PFDN1: variants seen among roughly 807,000 people sequenced by gnomAD.
PFDN1 encodes prefoldin 1.
Under a neutral mutation model 17.3 loss-of-function variants are expected in PFDN1, and 6 were observed. That is an observed-to-expected ratio of 0.35 (90% CI 0.19 to 0.69). The LOEUF (loss-of-function observed/expected upper bound fraction) is 0.69. Ranked by LOEUF, PFDN1 falls within the 30% of genes least tolerant of loss-of-function variation. PFDN1 has a pLI of 0.65. For missense variants in PFDN1, 113 were observed against 146.2 expected (o/e 0.77, Z 1.17); for synonymous variants, 58 against 50.1 (o/e 1.16, Z -0.67).
chr5:140,292,958 C>A (rs1765600365), intron 2 of PFDN1: 1 of 151,962 alleles, frequency 6.6e-6, no homozygotes, highest in Admixed American at 6.6e-5. Flanking sequence ...AGATTATGTT[C>A]CTTGACATGA....
At chr5:140,284,579 C>T (rs572549210) in intron 2 of PFDN1, among the ~76,000 whole-genome samples, 2 of 152,288 alleles carry the variant, frequency 1.3e-5, no homozygotes, top group East Asian at 3.9e-4. Context: ...CACAGTTGCT[C>T]AATGTAGAGA....
chr5:140,255,860 T>C (rs947775756), intron 3 of PFDN1, among the ~76,000 whole-genome samples: 5 of 152,186 alleles, frequency 3.3e-5, no homozygotes, highest in African/African-American at 1.2e-4. Context: ...GCAAAACTTC[T>C]TGAATCGGTT....
chr5:140,287,102 G>GGATTAACTA (rs1245553997), intron 2 of PFDN1, among the ~76,000 whole-genome samples: 2 of 152,254 alleles, frequency 1.3e-5, no homozygotes, highest in Admixed American at 1.3e-4. Flanking sequence ...AATCAACCTT[G>GGATTAACTA]GATTAACTAG....
At chr5:140,280,911 T>C (rs1208998554) in intron 3 of PFDN1, 1 of 152,138 alleles carries the variant, frequency 6.6e-6, no homozygotes, top group East Asian at 1.9e-4. Context: ...ATCATCTTTT[T>C]CCCTAGCTAA....
intron 3 of PFDN1, among the ~76,000 whole-genome samples, chr5:140,262,987 T>C (rs1012916984): frequency 2.0e-5 from 3 of 152,172 alleles, no homozygotes; most frequent in Non-Finnish European, 4.4e-5. Flanking sequence ...CAGAGGCAAA[T>C]AATAAAATCC....
At chr5:140,280,695 G>C (rs1765385702) in intron 3 of PFDN1, among the ~76,000 whole-genome samples, 1 of 152,126 alleles carries the variant, frequency 6.6e-6, no homozygotes, top group African/African-American at 2.4e-5. Context: ...AATGACCTAT[G>C]AAGTCAATGT....
chr5:140,255,092 C>G (rs894904214), intron 3 of PFDN1, among the ~76,000 whole-genome samples: 1 of 152,212 alleles, frequency 6.6e-6, no homozygotes, highest in African/African-American at 2.4e-5. Context: ...TATTAAACCT[C>G]CTTTATATGT....
Position 140,245,771 on chromosome 5 carries a change from G to A in PFDN1, c.*203C>T. The A allele has an allele frequency of 3.3e-6, 2 of 613,050 alleles. No homozygotes were observed. The highest frequency in any genetic ancestry group is 3.8e-5 in the South Asian group (2 of 51,982). The allele number at this position is 613,050 out of a possible 1,614,324, so 38.0% of individuals were successfully genotyped here. Reference sequence around the variant, plus strand: ...CATCCCGAGAGGGAAGAGTGTCCTGGGCAGAGGTGGCAGGCAAAGCCGGGT... The same window carrying A: ...CATCCCGAGAGGGAAGAGTGTCCTGAGCAGAGGTGGCAGGCAAAGCCGGGT... On this transcript the variant is annotated 3_prime_UTR_variant, in exon 4 of 4. Transcript: ENST00000261813.
intron 3 of PFDN1, among the ~76,000 whole-genome samples, chr5:140,279,616 T>G (rs1462922492): frequency 1.3e-5 from 2 of 152,118 alleles, no homozygotes; most frequent in African/African-American, 4.8e-5. Flanking sequence ...CATTTGCCAC[T>G]GTGCCCACTC....
intron 3 of PFDN1, among the ~76,000 whole-genome samples, chr5:140,279,102 T>A (rs925945663): frequency 1.3e-5 from 2 of 152,170 alleles, no homozygotes; most frequent in Non-Finnish European, 2.9e-5. Context: ...ACAGTATATA[T>A]AGCATAATTC....
At chr5:140,290,324 G>A (rs1352357225) in intron 2 of PFDN1, among the ~76,000 whole-genome samples, 1 of 152,148 alleles carries the variant, frequency 6.6e-6, no homozygotes, top group African/African-American at 2.4e-5. Context: ...TCCCATGAAG[G>A]TGACACCAGA....
intron 3 of PFDN1, among the ~76,000 whole-genome samples, chr5:140,268,516 G>A (rs1765163745): frequency 1.3e-5 from 2 of 151,838 alleles, no homozygotes; most frequent in African/African-American, 2.4e-5. Flanking sequence ...TTATGGTGGC[G>A]CACCCTGTAA....
chr5:140,303,022 G>A lies in PFDN1; in HGVS notation c.33+19C>T, dbSNP rs954064412. 2.5e-6 allele frequency: 4 copies of A among 1,589,232 alleles called. No homozygotes were observed. The African/African-American group carries it at 4.0e-5, about 16-fold the overall frequency. On this transcript the variant is annotated intron_variant, in intron 1 of 3. Transcript: ENST00000261813. The stretch of plus-strand genomic sequence containing the variant: ...GCCTCCAAAAAGAAGACCTCCGCCT[G>A]CCAAAGACCCTCTTTTACCTTCTTC...
At chr5:140,302,321 T>G (rs547478959) in intron 1 of PFDN1, among the ~76,000 whole-genome samples, 1 of 152,258 alleles carries the variant, frequency 6.6e-6, no homozygotes, top group Non-Finnish European at 1.5e-5. Context: ...GGTGTTAGAA[T>G]GCTGATCATT....
chr5:140,286,616 G>A (rs1253043258), intron 2 of PFDN1, among the ~76,000 whole-genome samples: 3 of 49,714 alleles, frequency 6.0e-5, no homozygotes, highest in African/African-American at 1.5e-4. Flanking sequence ...GGGGGGGGGG[G>A]GGGGCGGGGG....
At chr5:140,274,434 A>G (rs1765258154) in intron 3 of PFDN1, among the ~76,000 whole-genome samples, 1 of 152,212 alleles carries the variant, frequency 6.6e-6, no homozygotes, top group Non-Finnish European at 1.5e-5. Flanking sequence ...GAAAGTTATT[A>G]TCAGTATTTT....
intron 2 of PFDN1, among the ~76,000 whole-genome samples, chr5:140,297,500 G>A (rs1437702415): frequency 6.6e-6 from 1 of 151,972 alleles, no homozygotes; most frequent in Non-Finnish European, 1.5e-5. Flanking sequence ...TACAATACAG[G>A]GTCAAACTCA....
intron 3 of PFDN1, among the ~76,000 whole-genome samples, chr5:140,248,267 C>T (rs907733859): frequency 7.2e-5 from 11 of 152,050 alleles, no homozygotes; most frequent in African/African-American, 1.2e-4. Context: ...TGGGGTTTCA[C>T]TGTGTTAGCC....
chr5:140,286,029 C>A (rs566217410), intron 2 of PFDN1, among the ~76,000 whole-genome samples: 1 of 151,122 alleles, frequency 6.6e-6, no homozygotes, highest in Non-Finnish European at 1.5e-5. Context: ...AAAACCAAAC[C>A]GAAATTTAAA....
Sources: allele counts gnomAD v4.1 joint callset (sites outside exome capture counted in the v4.1 genomes callset), GRCh38; gene constraint gnomAD v4.1.1; transcripts MANE v1.5; gene names NCBI Gene and HGNC (gene_info 2026-07-23, HGNC 2026-07-21).